The following NKX2-8 variants were observed in gnomAD, a reference collection of about 807,000 sequenced individuals.
NKX2-8 encodes NK2 homeobox 8, also known as homeobox protein Nkx-2.8.
NKX2-8 carries 8 observed loss-of-function variants against 6.4 expected under a neutral mutation model. The ratio of observed to expected loss-of-function variants is 1.24; its 90% CI spans 0.73 to 2.24. The LOEUF (loss-of-function observed/expected upper bound fraction) is 2.24. Ranked by LOEUF, NKX2-8 falls within the 30% of genes most tolerant of loss-of-function variation. The pLI is 0.00. For synonymous variants in NKX2-8, 216 were observed against 171.5 expected (o/e 1.26, Z -2.03); for missense variants, 406 against 351.1 (o/e 1.16, Z -1.25).
chr14:36,581,155 G>T lies in NKX2-8; in HGVS notation c.467C>A (p.Ser156Tyr). ...GCCGGGCGCGGCGTGCAGCTCGGCG[G>T]ATGCTGCCAGGTCAGGCGACTCCGC... ...GAAESPDLAA[S>Y]AELHAAPGLL... Residue 156 changes from serine (S) to tyrosine (Y), a missense_variant, in exon 2 of 2, where the codon TCC becomes TAC. Transcript: ENST00000258829. This position sits in a 1 kb window ranked among gnomAD's most constrained non-coding sequence, Gnocchi z 5.6. 1 of 1,575,790 alleles carries T rather than the reference G, an allele frequency of 6.3e-7. No individual in the cohort carries two copies. Among genetic ancestry groups the T allele is most frequent in the Non-Finnish European group, 8.6e-7 (1 of 1,167,198 alleles).
chr14:36,582,461 G>T lies in NKX2-8; in HGVS notation c.-72C>A. 1.4e-6 allele frequency: 2 copies of T among 1,399,030 alleles called. No homozygotes were observed. Among genetic ancestry groups the T allele is most frequent in the Non-Finnish European group, 1.9e-6 (2 of 1,055,374 alleles). 86.7% of individuals were successfully genotyped at this position (1,399,030 alleles called of 1,614,324 possible). ...GGGGCGGCCGGGACGCCGCTCCTAC[G>T]GATGGGCGTGGGAGGCGCTCGCCAT... On this transcript the variant is annotated 5_prime_UTR_variant, in exon 1 of 2. Transcript: ENST00000258829.
chr14:36,581,955 G>A lies in NKX2-8; in HGVS notation c.157+278C>T, dbSNP rs1879257697. Among the ~76,000 whole-genome samples the A allele has an allele frequency of 6.6e-6, 1 of 151,968 alleles. No homozygotes were observed. The highest frequency in any genetic ancestry group is 2.1e-4 in the South Asian group (1 of 4,816). ...TGGGGTGGGGGCGGCAGGTGGCGGC[G>A]CGTTTTAAATTTCAATTATTCCGAC... On this transcript the variant is annotated intron_variant, in intron 1 of 1. Transcript: ENST00000258829. The surrounding 1 kb of genome is among the most constrained non-coding windows in gnomAD (Gnocchi z 5.6).
rs759547428 is a variant in NKX2-8, at chr14:36,581,293, G to C, written c.329C>G (p.Ser110Cys). The C allele has an allele frequency of 1.9e-6, 3 of 1,598,070 alleles. No homozygotes were observed. Among genetic ancestry groups the C allele is most frequent in the Non-Finnish European group, 1.7e-6 (2 of 1,173,294 alleles). ...CGCCAGCTGCTCGCGCTCGGGCGCAGACAGGTACCGCTGCTGCCGGAAGCG... is the reference window on the plus strand; with the variant it reads ...CGCCAGCTGCTCGCGCTCGGGCGCACACAGGTACCGCTGCTGCCGGAAGCG... ...ERRFRQQRYL[S>C]APEREQLASL... The change falls in exon 2 of 2, where the codon TCT becomes TGT. Residue 110 changes from serine (S) to cysteine (C), a missense_variant. Ser to Cys is a moderately radical substitution (Grantham distance 112, BLOSUM62 -1). Coordinates refer to ENST00000258829, the MANE Select transcript of NKX2-8 (RefSeq NM_014360.4). This position sits in a 1 kb window ranked among gnomAD's most constrained non-coding sequence, Gnocchi z 5.6.
intron 1 of NKX2-8, 80 bp downstream of exon 1, chr14:36,582,153 C>T: frequency 7.0e-7 from 1 of 1,432,494 alleles, no homozygotes; most frequent in Non-Finnish European, 9.4e-7. Flanking sequence ...GCTTTCCGGC[C>T]CCTCGTGGGC....
Position 36,581,655 on chromosome 14 carries a change from A to G in NKX2-8, c.158-191T>C, listed in dbSNP as rs1216733824. On this transcript the variant is annotated intron_variant, in intron 1 of 1. Coordinates refer to ENST00000258829, the MANE Select transcript of NKX2-8 (RefSeq NM_014360.4). The surrounding 1 kb of genome is among the most constrained non-coding windows in gnomAD (Gnocchi z 5.6). Reference sequence around the variant, plus strand: ...CGAATGCGGTGACCTCATTCATACCACAGCGGTCATCAGCGGGCCTGAGAT... The same window carrying G: ...CGAATGCGGTGACCTCATTCATACCGCAGCGGTCATCAGCGGGCCTGAGAT... Among the ~76,000 whole-genome samples the G allele has an allele frequency of 2.0e-5, 3 of 152,154 alleles. No individual in the cohort carries two copies. The highest frequency in any genetic ancestry group is 2.9e-5 in the Non-Finnish European group (2 of 68,022).
Position 36,582,560 on chromosome 14 carries a change from C to G in NKX2-8, c.-171G>C. On this transcript the variant is annotated 5_prime_UTR_variant, in exon 1 of 2. Transcript: ENST00000258829. ...TATAAACAGCTCTTCCCACCCAGGC[C>G]GCTTTGAAAGCCGAGGTCCGGGTCT... 1 of 611,330 alleles carries G rather than the reference C, an allele frequency of 1.6e-6. No homozygotes were observed. Among genetic ancestry groups the G allele is most frequent in the Non-Finnish European group, 2.6e-6 (1 of 387,574 alleles). 37.9% of individuals were successfully genotyped at this position (611,330 alleles called of 1,614,324 possible).
rs1287965769 is a variant in NKX2-8 at position 36,582,283 on chromosome 14, TG to T, written c.106del (p.Gln36SerfsTer104). On this transcript the variant is annotated frameshift_variant, in exon 1 of 2. Coordinates refer to ENST00000258829, the MANE Select transcript of NKX2-8 (RefSeq NM_014360.4). LOFTEE classifies it high-confidence loss of function. ...CAGCCAGGCGGCGCAGGGGTCGGGC[TG>T]GGGGGCGCGTGGTTCTGGCTCCCGC... is the stretch of plus-strand genomic sequence containing the variant. The part of the protein sequence containing the change: ...PRREPEPRAP[Q>X]PDPCAAWLDS... The T allele has an allele frequency of 2.5e-6, 4 of 1,608,588 alleles. No homozygotes were observed. The highest frequency in any genetic ancestry group is 2.2e-5 in the East Asian group (1 of 44,476).
Position 36,580,783 on chromosome 14 carries a change from A to T in NKX2-8, c.*119T>A. On this transcript the variant is annotated 3_prime_UTR_variant, in exon 2 of 2. Coordinates refer to ENST00000258829, the MANE Select transcript of NKX2-8 (RefSeq NM_014360.4). ...GGGCGCGCCAGGGACCCTGGCGCCC[A>T]AGGAGATGGGGCTGCAGGGAGGCGG... 1 of 713,796 alleles carries T rather than the reference A, an allele frequency of 1.4e-6. No individual in the cohort carries two copies. Among genetic ancestry groups the T allele is most frequent in the Non-Finnish European group, 1.9e-6 (1 of 514,360 alleles). 44.2% of individuals were successfully genotyped at this position (713,796 alleles called of 1,614,324 possible). A position where few individuals can be genotyped will look rare whatever the true frequency, so the allele number is the denominator to read the frequency against.
In NKX2-8 at chr14:36,581,079, G is replaced by T; in HGVS notation, c.543C>A (p.Cys181Ter). The change falls in exon 2 of 2, where the codon TGC becomes TGA. Residue 181 changes from cysteine to a stop codon, truncating the protein, a stop_gained. Transcript: ENST00000258829. LOFTEE classifies it low-confidence loss of function (END_TRUNC). The surrounding 1 kb of genome is among the most constrained non-coding windows in gnomAD (Gnocchi z 5.6). The part of the protein sequence containing the change: ...VPVLVRDGQP[C>*]GGGGGGEVGT... ...CCACCTCGCCACCGCCGCCGCCGCCGCACGGCTGCCCGTCGCGAACAAGCA... is the reference window on the plus strand; with the variant it reads ...CCACCTCGCCACCGCCGCCGCCGCCTCACGGCTGCCCGTCGCGAACAAGCA... 3.6e-6 allele frequency: 5 copies of T among 1,397,246 alleles called. No individual in the cohort carries two copies. The highest frequency in any genetic ancestry group is 4.6e-6 in the Non-Finnish European group (5 of 1,087,560). The allele number at this position is 1,397,246 out of a possible 1,614,324, so 86.6% of individuals were successfully genotyped here. A position where few individuals can be genotyped will look rare whatever the true frequency, so the allele number is the denominator to read the frequency against.
rs1451801508 is a variant in NKX2-8 at position 36,581,729 on chromosome 14, G to A, written c.158-265C>T. Among the ~76,000 whole-genome samples the A allele has an allele frequency of 6.6e-6, 1 of 152,198 alleles. No individual in the cohort carries two copies. Among genetic ancestry groups the A allele is most frequent in the Non-Finnish European group, 1.5e-5 (1 of 68,030 alleles). ...GGGGCCCTCTTAACATGTCCGCACC[G>A]GTAGTTGCGCTGGCCGACCAGTTTA... On this transcript the variant is annotated intron_variant, in intron 1 of 1. Coordinates refer to ENST00000258829, the MANE Select transcript of NKX2-8 (RefSeq NM_014360.4). This position sits in a 1 kb window ranked among gnomAD's most constrained non-coding sequence, Gnocchi z 5.6.
rs772358709 is a variant in NKX2-8 at position 36,582,338 on chromosome 14, G to A, written c.52C>T (p.Pro18Ser). The A allele has an allele frequency of 3.7e-6, 6 of 1,605,374 alleles. No homozygotes were observed. Among genetic ancestry groups the A allele is most frequent in the South Asian group, 2.2e-5 (2 of 90,206 alleles). Reference protein sequence around the residue: ...SFTVRSLLDLPEQDAQHLPRR... With the variant: ...SFTVRSLLDLSEQDAQHLPRR... ...GGCAGGTGTTGCGCGTCCTGCTCGG[G>A]TAAATCTAGAAGGCTGCGCACGGTG... Residue 18 changes from proline to serine, a missense_variant, in exon 1 of 2, where the codon CCC (proline) becomes TCC (serine). Pro to Ser is a moderately conservative substitution (Grantham distance 74). Coordinates refer to ENST00000258829, the MANE Select transcript of NKX2-8 (RefSeq NM_014360.4).
rs1250872651 is a variant in NKX2-8, at chr14:36,580,947, G to A, written c.675C>T (p.Ala225=). 2.2e-6 allele frequency: 3 copies of A among 1,343,682 alleles called. No homozygotes were observed. The highest frequency in any genetic ancestry group is 2.3e-5 in the South Asian group (1 of 43,274). The allele number at this position is 1,343,682 out of a possible 1,614,324, so 83.2% of individuals were successfully genotyped here. Residue 225 remains alanine, a synonymous_variant, in exon 2 of 2, where the codon GCC becomes GCT. Transcript: ENST00000258829. ...GPGSALGLFP[A]YQHLASPALV... is the part of the protein sequence containing the mutation. ...GGGCGGGGGATGCTAAGTGCTGGTA[G>A]GCGGGGAAGAGGCCAAGCGCCGAGC...
rs760073104 is a variant in NKX2-8 at position 36,582,289 on chromosome 14, G to A, written c.101C>T (p.Ala34Val). The change falls in exon 1 of 2, where the codon GCC becomes GTC. Residue 34 changes from alanine (A) to valine (V), a missense_variant. Ala to Val is a moderately conservative substitution (Grantham distance 64). Coordinates refer to ENST00000258829, the MANE Select transcript of NKX2-8 (RefSeq NM_014360.4). Reference sequence around the variant, plus strand: ...GGCGGCGCAGGGGTCGGGCTGGGGGGCGCGTGGTTCTGGCTCCCGCCTCGG... The same window carrying A: ...GGCGGCGCAGGGGTCGGGCTGGGGGACGCGTGGTTCTGGCTCCCGCCTCGG... ...HLPRREPEPRAPQPDPCAAWL... is the reference protein window; with the variant it reads ...HLPRREPEPRVPQPDPCAAWL... The A allele has an allele frequency of 1.9e-6, 3 of 1,608,806 alleles. No individual in the cohort carries two copies. The South Asian group carries it at 3.3e-5, about 18-fold the overall frequency.
Position 36,580,727 on chromosome 14 carries a change from C to T in NKX2-8, c.*175G>A, listed in dbSNP as rs2139053768. ...TGAGGGAGGGGGCTCTGGCACACGT[C>T]CCTCGTGTGTGCTTGCGCGACGGCT... On this transcript the variant is annotated 3_prime_UTR_variant, in exon 2 of 2. Transcript: ENST00000258829. The T allele has an allele frequency of 4.9e-6, 2 of 409,992 alleles. No individual in the cohort carries two copies. Among genetic ancestry groups the T allele is most frequent in the Admixed American group, 8.8e-5 (2 of 22,690 alleles). 25.4% of individuals were successfully genotyped at this position (409,992 alleles called of 1,614,324 possible).
rs902267217 is a variant in NKX2-8, at chr14:36,581,861, C to T, written c.157+372G>A. On this transcript the variant is annotated intron_variant, in intron 1 of 1. Transcript: ENST00000258829. This position sits in a 1 kb window ranked among gnomAD's most constrained non-coding sequence, Gnocchi z 5.6. ...AACGGGGTGGGGGTAAACTCGCCAA[C>T]ACTGGCCATCCCAGACGGAGGCCTG... Among the ~76,000 whole-genome samples the T allele has an allele frequency of 6.7e-6, 1 of 148,498 alleles. No individual in the cohort carries two copies. Among genetic ancestry groups the T allele is most frequent in the Admixed American group, 6.8e-5 (1 of 14,696 alleles).
Sources: gnomAD v4.1 joint callset for allele counts (sites outside exome capture counted in the v4.1 genomes callset) on GRCh38, gnomAD v4.1.1 for gene constraint, Gnocchi (gnomAD v3.1) non-coding constraint, MANE v1.5 for transcripts, NCBI Gene and HGNC (gene_info 2026-07-23, HGNC 2026-07-21) for gene names.